STRN: variants seen among roughly 807,000 people sequenced by gnomAD.
The protein encoded by STRN is striatin, also known as protein phosphatase 2 regulatory subunit B'''alpha.
STRN carries 53 observed loss-of-function variants against 96.3 expected under a neutral mutation model. The ratio of observed to expected loss-of-function variants is 0.55; its 90% CI spans 0.44 to 0.69. The LOEUF is 0.69. Among genes scored for constraint, STRN ranks in the 30% least tolerant of loss-of-function variants. STRN has a pLI of 0.00. For synonymous variants in STRN, 428 were observed against 355.9 expected, an observed-to-expected ratio of 1.20 and a Z score of -2.28; for missense variants, 987 against 963.9, an observed-to-expected ratio of 1.02 and a Z score of -0.32.
intron 1 of STRN, among the ~76,000 whole-genome samples, chr2:36,933,362 C>CG (rs988360005): frequency 6.6e-6 from 1 of 151,916 alleles, no homozygotes; most frequent in African/African-American, 2.4e-5. Flanking sequence ...GGGGAGTTCC[C>CG]GGAACCAATA....
chr2:36,921,197 G>T (rs879497594), intron 2 of STRN, among the ~76,000 whole-genome samples: 5 of 152,058 alleles, frequency 3.3e-5, no homozygotes, highest in Non-Finnish European at 5.9e-5. Flanking sequence ...TTTAGTAAGG[G>T]TACCAATAAG....
chr2:36,854,897 T>G (rs1248875326), intron 15 of STRN, among the ~76,000 whole-genome samples: 3 of 152,100 alleles, frequency 2.0e-5, no homozygotes. Context: ...TTACGAGAAA[T>G]GAAAAATAGA....
At chr2:36,876,744 T>C (rs919767614) in intron 10 of STRN, among the ~76,000 whole-genome samples, 9 of 119,748 alleles carry the variant, frequency 7.5e-5, no homozygotes, top group Non-Finnish European at 1.2e-4. Flanking sequence ...GATGAGCAAT[T>C]ATAAACATTT....
intron 15 of STRN, 98 bp downstream of exon 15, chr2:36,855,112 GCT>G: frequency 8.0e-7 from 1 of 1,246,988 alleles, no homozygotes. Flanking sequence ...GAGACAGAAA[GCT>G]TTATAATGAC....
chr2:36,946,082 A>G (rs1004017879), intron 1 of STRN, among the ~76,000 whole-genome samples: 3 of 152,182 alleles, frequency 2.0e-5, no homozygotes, highest in Admixed American at 2.0e-4. Context: ...AGAGAGGTAT[A>G]AATACTGGAA....
intron 6 of STRN, among the ~76,000 whole-genome samples, chr2:36,897,640 C>T (rs1431248177): frequency 4.0e-5 from 6 of 151,642 alleles, no homozygotes; most frequent in South Asian, 2.1e-4. Flanking sequence ...GGTTTCACCG[C>T]GTTAGCCAGG....
intron 9 of STRN, among the ~76,000 whole-genome samples, chr2:36,878,986 C>A (rs917749431): frequency 6.6e-6 from 1 of 151,554 alleles, no homozygotes; most frequent in Non-Finnish European, 1.5e-5. Context: ...CTCCTGACCT[C>A]AAGTGATCCA....
chr2:36,889,394 A>G (rs945806163), intron 7 of STRN, among the ~76,000 whole-genome samples: 1 of 152,196 alleles, frequency 6.6e-6, no homozygotes, highest in Admixed American at 6.5e-5. Context: ...CCAGAAAGAC[A>G]TAACAATTAA....
At chr2:36,898,818 G>A (rs1277730648) in intron 6 of STRN, among the ~76,000 whole-genome samples, 1 of 151,974 alleles carries the variant, frequency 6.6e-6, no homozygotes, top group Non-Finnish European at 1.5e-5. Context: ...CCTAGACAAA[G>A]TGAAACATGT....
At chr2:36,864,311 T>A (rs901145259) in intron 12 of STRN, among the ~76,000 whole-genome samples, 4 of 152,300 alleles carry the variant, frequency 2.6e-5, no homozygotes, top group Admixed American at 1.3e-4. Context: ...TGGCTCTTAA[T>A]ATTTTGGGGT....
chr2:36,919,603 G>A (rs904782937), intron 2 of STRN, among the ~76,000 whole-genome samples: 3 of 152,174 alleles, frequency 2.0e-5, no homozygotes, highest in African/African-American at 7.2e-5. Flanking sequence ...ACTTTACTAA[G>A]AACGTGAAAT....
intron 9 of STRN, 23 bp downstream of exon 9, chr2:36,883,909 T>A (rs200042716): frequency 6.6e-5 from 88 of 1,327,396 alleles, no homozygotes; most frequent in Non-Finnish European, 8.2e-5. Context: ...CATTTTGTGC[T>A]CCAGAGTATC....
At chr2:36,905,342 A>C (rs1055317294) in intron 4 of STRN, among the ~76,000 whole-genome samples, 198 bp downstream of exon 4, 5 of 152,240 alleles carry the variant, frequency 3.3e-5, no homozygotes, top group African/African-American at 1.2e-4. Context: ...TAAAGTTATA[A>C]AATTCTTTTA....
At chr2:36,907,050 T>C (rs1669839546) in intron 3 of STRN, among the ~76,000 whole-genome samples, 1 of 152,118 alleles carries the variant, frequency 6.6e-6, no homozygotes, top group Non-Finnish European at 1.5e-5. Context: ...TTTTAGAAGG[T>C]GATAAAATAA....
chr2:36,871,368 GA>G (rs1558630558), intron 10 of STRN, among the ~76,000 whole-genome samples: 2 of 152,078 alleles, frequency 1.3e-5, no homozygotes, highest in African/African-American at 4.8e-5. Context: ...ATTTTTACTG[GA>G]CCTTTTCTAT....
intron 1 of STRN, among the ~76,000 whole-genome samples, chr2:36,956,453 T>C (rs1433888357): frequency 6.6e-6 from 1 of 152,124 alleles, no homozygotes; most frequent in Non-Finnish European, 1.5e-5. Context: ...CAACAGATTG[T>C]TTTGTCAGAT....
intron 1 of STRN, among the ~76,000 whole-genome samples, chr2:36,946,356 G>A (rs1201341044): frequency 2.0e-5 from 3 of 152,084 alleles, no homozygotes; most frequent in Non-Finnish European, 2.9e-5. Context: ...TTTCCCATGT[G>A]TTGGAAATAA....
rs539555030 is a variant in STRN, at chr2:36,910,933, CA to C, written c.412+5144del. ...GAAATATGAAGGTCTGGACGTGGGA[CA>C]AAAAAAAATTAGAAAGGAAAAGCAA... On this transcript the variant is annotated intron_variant, in intron 3 of 17. Transcript: ENST00000263918. 2.6e-3 allele frequency among the ~76,000 whole-genome samples: 379 copies of C among 148,374 alleles called. 3 individuals are homozygous for C. The highest frequency in any genetic ancestry group is 3.5e-3 in the Middle Eastern group (1 of 286).
intron 1 of STRN, among the ~76,000 whole-genome samples, chr2:36,943,620 C>A (rs958684969): frequency 1.7e-4 from 26 of 151,830 alleles, no homozygotes; most frequent in African/African-American, 6.3e-4. Flanking sequence ...CCGGCTAACA[C>A]AGTGAAACCC....
Sources: gnomAD v4.1 joint callset for allele counts (sites outside exome capture counted in the v4.1 genomes callset) on GRCh38, gnomAD v4.1.1 for gene constraint, MANE v1.5 for transcripts, NCBI Gene and HGNC (gene_info 2026-07-23, HGNC 2026-07-21) for gene names.